The following SORCS3 variants were observed in gnomAD, a reference collection of about 807,000 sequenced individuals.
The protein encoded by SORCS3 is sortilin related VPS10 domain containing receptor 3.
In SORCS3, 57 loss-of-function variants were observed where a neutral mutation model predicts 146.3. That is an observed-to-expected ratio of 0.39 (90% CI 0.31 to 0.49). SORCS3 has a LOEUF of 0.49. Ranked by LOEUF, SORCS3 falls within the 20% of genes least tolerant of loss-of-function variation. SORCS3 has a pLI of 0.92. For synonymous variants in SORCS3, 653 were observed against 618.5 expected (o/e 1.06, Z -0.83); for missense variants, 1,341 against 1,575.5 (o/e 0.85, Z 2.52).
At chr10:104,720,098 G>T (rs1190859962) in intron 1 of SORCS3, among the ~76,000 whole-genome samples, 2 of 152,016 alleles carry the variant, frequency 1.3e-5, no homozygotes, top group Non-Finnish European at 2.9e-5. Flanking sequence ...TTAACAATAG[G>T]TATATCTCCT....
At position 104,736,062 on chromosome 10, in the gene SORCS3, G is replaced by A. The variant is rs974167566; in HGVS notation, c.627+94108G>A. ...ATCTCGGCTCATCCCCCTTGGGCTG[G>A]TGTTAAACAGCTGTCATACAAGGGC... On this transcript the variant is annotated intron_variant, in intron 1 of 26. Transcript: ENST00000369701. Among the ~76,000 whole-genome samples the A allele has an allele frequency of 2.3e-4, 35 of 152,252 alleles. 1 individual carries two copies. The highest frequency in any genetic ancestry group is 3.4e-3 in the Middle Eastern group (1 of 294).
intron 1 of SORCS3, among the ~76,000 whole-genome samples, chr10:104,675,516 T>A (rs2015902978): frequency 6.6e-6 from 1 of 152,194 alleles, no homozygotes; most frequent in African/African-American, 2.4e-5. Flanking sequence ...GTTTTAATGT[T>A]CACATTTAGG....
chr10:105,164,136 G>A (rs2056291931), intron 11 of SORCS3, among the ~76,000 whole-genome samples, 167 bp from the exon 12 acceptor site: 1 of 152,120 alleles, frequency 6.6e-6, no homozygotes, highest in Admixed American at 6.6e-5. Flanking sequence ...CCCATATTGG[G>A]TTTTTCATCC....
chr10:104,889,631 G>C (rs1182851071), intron 2 of SORCS3, among the ~76,000 whole-genome samples: 1 of 151,982 alleles, frequency 6.6e-6, no homozygotes, highest in Non-Finnish European at 1.5e-5. Flanking sequence ...CCCTAAAACA[G>C]TATACTCTCC....
chr10:104,869,167 A>G (rs2018490408), intron 2 of SORCS3, among the ~76,000 whole-genome samples: 1 of 151,754 alleles, frequency 6.6e-6, no homozygotes, highest in African/African-American at 2.4e-5. Flanking sequence ...ATACAAATAT[A>G]TATTTATATA....
Position 104,890,043 on chromosome 10 carries a change from T to C in SORCS3, c.696-25790T>C, listed in dbSNP as rs546296599. On this transcript the variant is annotated intron_variant, in intron 2 of 26. Transcript: ENST00000369701. ...ATTGTTTCTATAAAATAATCTTCTG[T>C]CATCCATAGCTTTGTTCCATTCCAT... Among the ~76,000 whole-genome samples the C allele has an allele frequency of 2.0e-5, 3 of 152,320 alleles. No homozygotes were observed. In the East Asian group the frequency reaches 5.8e-4, roughly 29 times the overall value.
intron 12 of SORCS3, among the ~76,000 whole-genome samples, chr10:105,165,859 C>A (rs1044551417): frequency 6.6e-6 from 1 of 152,100 alleles, no homozygotes; most frequent in Non-Finnish European, 1.5e-5. Context: ...CAGTACTAGA[C>A]AGGGCAAAAA....
In SORCS3 at chr10:104,765,838, T is replaced by C. The variant is rs1589490908; in HGVS notation, c.628-76954T>C. ...GAAACTGAGCCAATGAGAAATTAAG[T>C]GCAGTTCCCAAGGTCACTCAGCTAA... is the stretch of plus-strand genomic sequence containing the variant. On this transcript the variant is annotated intron_variant, in intron 1 of 26. Transcript: ENST00000369701. Among the ~76,000 whole-genome samples the C allele has an allele frequency of 3.9e-5, 6 of 152,192 alleles. No homozygotes were observed. The South Asian group carries it at 1.0e-3, about 26-fold the overall frequency.
intron 13 of SORCS3, among the ~76,000 whole-genome samples, chr10:105,171,129 C>A (rs1186770294): frequency 6.6e-6 from 1 of 152,090 alleles, no homozygotes; most frequent in African/African-American, 2.4e-5. Context: ...GCTACATCAC[C>A]TTTAAGAGAA....
rs183537226 is a variant in SORCS3, at chr10:104,888,953, G to A, written c.696-26880G>A. On this transcript the variant is annotated intron_variant, in intron 2 of 26. Transcript: ENST00000369701. Reference sequence around the variant, plus strand: ...TAGCCCTACCTATTCCCTACTTTAGGTCATATATTTTGGAGTTGTTAGTGG... The same window carrying A: ...TAGCCCTACCTATTCCCTACTTTAGATCATATATTTTGGAGTTGTTAGTGG... 2.0e-5 allele frequency among the ~76,000 whole-genome samples: 3 copies of A among 152,020 alleles called. No homozygotes were observed. The East Asian group carries it at 5.8e-4, about 29-fold the overall frequency.
chr10:104,828,399 G>A lies in SORCS3; in HGVS notation c.628-14393G>A, dbSNP rs530456953. On this transcript the variant is annotated intron_variant, in intron 1 of 26. Coordinates refer to ENST00000369701, the MANE Select transcript of SORCS3 (RefSeq NM_014978.3). ...GAGAGATGGGGAACAGCCGATCAGT[G>A]GAGCAGTCAAAACTTGCACATTTGT... is the stretch of plus-strand genomic sequence containing the variant. Among the ~76,000 whole-genome samples, 27 of 152,192 alleles carry A rather than the reference G, an allele frequency of 1.8e-4. No individual in the cohort carries two copies. The East Asian group carries it at 5.2e-3, about 29-fold the overall frequency.
chr10:104,700,416 C>T (rs1289685450), intron 1 of SORCS3, among the ~76,000 whole-genome samples: 2 of 143,810 alleles, frequency 1.4e-5, no homozygotes, highest in Non-Finnish European at 3.2e-5. Context: ...TGATGGGAAA[C>T]GTGTGTTCTG....
At chr10:104,675,133 T>G (rs754684247) in intron 1 of SORCS3, among the ~76,000 whole-genome samples, 20 of 152,244 alleles carry the variant, frequency 1.3e-4, no homozygotes, top group Non-Finnish European at 2.2e-4. Flanking sequence ...CTAATTTTTT[T>G]TAACGTTTTT....
intron 13 of SORCS3, among the ~76,000 whole-genome samples, chr10:105,171,015 G>A (rs17118688): frequency 0.01 from 1,541 of 152,212 alleles, 27 homozygotes; most frequent in African/African-American, 0.034. Flanking sequence ...ATAGATCTCA[G>A]ACTGACATTG....
chr10:105,159,080 G>A (rs2056239072), intron 11 of SORCS3, 86 bp downstream of exon 11: 2 of 939,660 alleles, frequency 2.1e-6, no homozygotes, highest in Admixed American at 2.3e-5. Flanking sequence ...GGACTCACTT[G>A]AGCATCAGAT....
At chr10:104,998,532 G>C (rs73334052) in intron 4 of SORCS3, among the ~76,000 whole-genome samples, 2 of 152,094 alleles carry the variant, frequency 1.3e-5, no homozygotes, top group Non-Finnish European at 2.9e-5. Flanking sequence ...CAGAATTCCT[G>C]CTCCTTCAGG....
At chr10:104,683,440 G>A (rs2133267098) in intron 1 of SORCS3, among the ~76,000 whole-genome samples, 1 of 152,308 alleles carries the variant, frequency 6.6e-6, no homozygotes, top group Non-Finnish European at 1.5e-5. Context: ...AAAAGAAGTG[G>A]CCAGCTAAGA....
chr10:105,211,399 T>C (rs2056632930), intron 17 of SORCS3, 149 bp downstream of exon 17: 2 of 627,940 alleles, frequency 3.2e-6, no homozygotes, highest in South Asian at 1.9e-5. Flanking sequence ...AGGAGTTCTT[T>C]AGCTGAGAGT....
chr10:104,949,081 G>A (rs2019401900), intron 3 of SORCS3, among the ~76,000 whole-genome samples: 1 of 152,000 alleles, frequency 6.6e-6, no homozygotes, highest in Non-Finnish European at 1.5e-5. Context: ...GAATGACCAA[G>A]CTTTGGCAAT....
Sources: allele counts gnomAD v4.1 joint callset (sites outside exome capture counted in the v4.1 genomes callset), GRCh38; gene constraint gnomAD v4.1.1; transcripts MANE v1.5; gene names NCBI Gene and HGNC (gene_info 2026-07-23, HGNC 2026-07-21).